OSBP2: variants seen among roughly 807,000 people sequenced by gnomAD.
OSBP2 encodes the protein oxysterol-binding protein 2.
In OSBP2, 66 loss-of-function variants were observed where a neutral mutation model predicts 96.0. That is an observed-to-expected ratio of 0.69 (90% CI 0.56 to 0.84). OSBP2 has a LOEUF of 0.84. Ranked by LOEUF, OSBP2 falls within the 40% of genes least tolerant of loss-of-function variation. OSBP2 has a pLI of 0.00. For synonymous variants in OSBP2, 525 were observed against 520.9 expected (o/e 1.01, Z -0.11); for missense variants, 1,038 against 1,222.7 (o/e 0.85, Z 2.25).
At chr22:30,838,554 G>C (rs1469773800) in intron 2 of OSBP2, among the ~76,000 whole-genome samples, 1 of 152,148 alleles carries the variant, frequency 6.6e-6, no homozygotes, top group Non-Finnish European at 1.5e-5. Flanking sequence ...CTAGTCCTGG[G>C]GGAGAACATT....
intron 1 of OSBP2, among the ~76,000 whole-genome samples, chr22:30,703,410 G>C (rs559268789): frequency 3.4e-4 from 52 of 151,882 alleles, no homozygotes; most frequent in Admixed American, 9.2e-4. Context: ...TTGAGTTCAA[G>C]TGATCCACTC....
intron 1 of OSBP2, among the ~76,000 whole-genome samples, chr22:30,724,275 T>G (rs2089604783): frequency 6.6e-6 from 1 of 152,198 alleles, no homozygotes. Flanking sequence ...TGGAGTGCAG[T>G]GGCTTGATCT....
At chr22:30,895,291 T>C (rs1276848040) in intron 12 of OSBP2, among the ~76,000 whole-genome samples, 1 of 151,312 alleles carries the variant, frequency 6.6e-6, no homozygotes, top group Non-Finnish European at 1.5e-5. Context: ...AAGAGGGAGA[T>C]AAAATGAAGA....
At chr22:30,822,424 T>G (rs2038293540) in intron 2 of OSBP2, 1 of 1,009,626 alleles carries the variant, frequency 9.9e-7, no homozygotes. Context: ...CAGGCTGGGC[T>G]CGGCTCCCGC....
At position 30,714,322 on chromosome 22, in the gene OSBP2, C is replaced by T. The variant is rs114126608; in HGVS notation, c.644+18769C>T. Among the ~76,000 whole-genome samples the T allele has an allele frequency of 8.4e-3, 1,280 of 152,086 alleles. 22 individuals are homozygous for T. The highest frequency in any genetic ancestry group is 0.027 in the African/African-American group (1,128 of 41,482). ...TCCATTCATCTGCTGGACACTTAGGCGGATTCCATATCTTGGCTATTGTGA... is the reference window on the plus strand; with the variant it reads ...TCCATTCATCTGCTGGACACTTAGGTGGATTCCATATCTTGGCTATTGTGA... On this transcript the variant is annotated intron_variant, in intron 1 of 13. Transcript: ENST00000332585.
At chr22:30,831,839 C>G (rs1392045981) in intron 2 of OSBP2, among the ~76,000 whole-genome samples, 2 of 152,078 alleles carry the variant, frequency 1.3e-5, no homozygotes, top group Non-Finnish European at 2.9e-5. Flanking sequence ...ACCAACAGCC[C>G]CCATCCTGCT....
chr22:30,866,737 A>C (rs564869862), intron 2 of OSBP2, among the ~76,000 whole-genome samples: 1 of 127,016 alleles, frequency 7.9e-6, no homozygotes, highest in Non-Finnish European at 1.7e-5. Context: ...ACTCTGTCTC[A>C]AAAAACAGGA....
intron 2 of OSBP2, among the ~76,000 whole-genome samples, chr22:30,807,234 G>A (rs1569131908): frequency 2.0e-5 from 3 of 151,970 alleles, no homozygotes; most frequent in South Asian, 2.1e-4. Context: ...CCCTGCCCCC[G>A]CGAGACTCAG....
At chr22:30,898,940 TA>T (rs1292224295) in intron 12 of OSBP2, among the ~76,000 whole-genome samples, 1 of 150,978 alleles carries the variant, frequency 6.6e-6, no homozygotes. Context: ...CTTTGAGGCA[TA>T]AAAAAACTGT....
chr22:30,904,424 G>A (rs2147198073), intron 12 of OSBP2, among the ~76,000 whole-genome samples: 1 of 152,276 alleles, frequency 6.6e-6, no homozygotes, highest in East Asian at 1.9e-4. Context: ...CTTCAACATG[G>A]ATAAGATAAA....
At chr22:30,771,368 T>C (rs992063358) in intron 2 of OSBP2, among the ~76,000 whole-genome samples, 8 of 152,258 alleles carry the variant, frequency 5.3e-5, no homozygotes, top group Middle Eastern at 6.8e-3. Context: ...GCAGGAATCA[T>C]AGAAGCTTCC....
At chr22:30,744,638 G>C (rs1199873779) in intron 2 of OSBP2, among the ~76,000 whole-genome samples, 3 of 152,124 alleles carry the variant, frequency 2.0e-5, no homozygotes, top group Non-Finnish European at 4.4e-5. Flanking sequence ...GCGCGTGCCT[G>C]TAGTCCCAGC....
chr22:30,694,505 C>A (rs1053578571), upstream of OSBP2, among the ~76,000 whole-genome samples: 15 of 152,126 alleles, frequency 9.9e-5, no homozygotes, highest in African/African-American at 3.6e-4. Context: ...GAGGGGGCGT[C>A]GGCGCAGGGT....
intron 2 of OSBP2, among the ~76,000 whole-genome samples, chr22:30,857,669 T>G (rs2039106366): frequency 6.6e-6 from 1 of 152,246 alleles, no homozygotes; most frequent in South Asian, 2.1e-4. Context: ...TTACAGGCAT[T>G]AACCCATTTT....
At chr22:30,721,646 A>G (rs907971196) in intron 1 of OSBP2, among the ~76,000 whole-genome samples, 2 of 152,106 alleles carry the variant, frequency 1.3e-5, no homozygotes, top group South Asian at 2.1e-4. Flanking sequence ...CATTTCATCT[A>G]TTGTTTGTGT....
At chr22:30,824,913 G>GCT (rs2038365774) in intron 2 of OSBP2, among the ~76,000 whole-genome samples, 1 of 152,198 alleles carries the variant, frequency 6.6e-6, no homozygotes, top group South Asian at 2.1e-4. Context: ...CCGTGGTATA[G>GCT]CTAGGCTGTC....
intron 1 of OSBP2, among the ~76,000 whole-genome samples, chr22:30,729,014 A>C (rs1569099306): frequency 1.3e-5 from 2 of 152,210 alleles, no homozygotes. Flanking sequence ...GCCGAAATCC[A>C]CAGGAGTAAA....
At chr22:30,728,208 A>C (rs746310869) in intron 1 of OSBP2, among the ~76,000 whole-genome samples, 6 of 151,912 alleles carry the variant, frequency 3.9e-5, no homozygotes, top group Non-Finnish European at 8.8e-5. Context: ...CATCCTGGCT[A>C]ACACAGTGAA....
chr22:30,886,890 A>G (rs1300302720), intron 3 of OSBP2, among the ~76,000 whole-genome samples: 1 of 152,212 alleles, frequency 6.6e-6, no homozygotes, highest in Non-Finnish European at 1.5e-5. Context: ...GATCTCACAC[A>G]AGAAAGAATT....
Sources: gnomAD v4.1 joint callset for allele counts (sites outside exome capture counted in the v4.1 genomes callset) on GRCh38, gnomAD v4.1.1 for gene constraint, MANE v1.5 for transcripts, NCBI Gene and HGNC (gene_info 2026-07-23, HGNC 2026-07-21) for gene names.